The following CFAP221 variants were observed in gnomAD, a reference collection of about 807,000 sequenced individuals.
CFAP221 encodes the protein cilia- and flagella-associated protein 221.
Under a neutral mutation model 113.1 loss-of-function variants are expected in CFAP221, and 97 were observed. The observed-to-expected ratio is 0.86, with a 90% CI of 0.73 to 1.02. CFAP221 has a LOEUF of 1.02. Ranked by LOEUF, CFAP221 falls within the 50% of genes least tolerant of loss-of-function variation. The probability of loss-of-function intolerance (pLI) is 0.00; values close to 1 mark genes in which losing one functional copy is unlikely to be tolerated. For missense variants in CFAP221, 1,025 were observed against 1,013.4 expected, an observed-to-expected ratio of 1.01 and a Z score of -0.16; for synonymous variants, 331 against 354.4, an observed-to-expected ratio of 0.93 and a Z score of 0.74.
chr2:119,608,053 A>G (rs1211658572), intron 11 of CFAP221, among the ~76,000 whole-genome samples: 1 of 152,152 alleles, frequency 6.6e-6, no homozygotes, highest in Non-Finnish European at 1.5e-5. Flanking sequence ...TCATATGGTA[A>G]CTCTATGTTT....
intron 21 of CFAP221, 38 bp downstream of exon 21, chr2:119,639,910 G>A (rs1687378224): frequency 6.5e-6 from 10 of 1,548,380 alleles, no homozygotes; most frequent in Non-Finnish European, 8.9e-6. Flanking sequence ...GAGTATGTGT[G>A]CCCCATGTAT....
At chr2:119,630,724 A>C (rs781697409) in intron 18 of CFAP221, 43 bp from the exon 19 acceptor site, 24 of 1,604,720 alleles carry the variant, frequency 1.5e-5, no homozygotes, top group Non-Finnish European at 2.0e-5. Context: ...TTTCCCTCTT[A>C]TCCTGGCATC....
At chr2:119,601,588 A>C (rs965799723) in intron 8 of CFAP221, 1 of 473,338 alleles carries the variant, frequency 2.1e-6, no homozygotes, top group Non-Finnish European at 3.5e-6. Context: ...GAAGGGAAGA[A>C]ACAAGAAAAA....
chr2:119,550,515 A>C (rs182483243), intron 3 of CFAP221, among the ~76,000 whole-genome samples: 1 of 152,206 alleles, frequency 6.6e-6, no homozygotes, highest in African/African-American at 2.4e-5. Flanking sequence ...TCAACCTCCA[A>C]GGTCACATTT....
At chr2:119,646,914 C>A in intron 21 of CFAP221, 44 bp from the exon 22 acceptor site, 1 of 1,526,902 alleles carries the variant, frequency 6.5e-7, no homozygotes, top group Non-Finnish European at 9.0e-7. Flanking sequence ...CCCAAGACTT[C>A]TAGTGTGACT....
At chr2:119,646,830 G>A (rs1283412255) in intron 21 of CFAP221, 128 bp from the exon 22 acceptor site, 2 of 709,244 alleles carry the variant, frequency 2.8e-6, no homozygotes, top group Non-Finnish European at 4.4e-6. Context: ...GGCTTTTCAA[G>A]AGTGAGGGAG....
chr2:119,594,256 A>G (rs1446907848), intron 7 of CFAP221, among the ~76,000 whole-genome samples: 2 of 150,092 alleles, frequency 1.3e-5, no homozygotes, highest in Non-Finnish European at 3.0e-5. Flanking sequence ...TTTTTTTTTG[A>G]AACAGAGTCT....
At chr2:119,559,827 A>G in intron 4 of CFAP221, 52 bp downstream of exon 4, 1 of 1,480,146 alleles carries the variant, frequency 6.8e-7, no homozygotes, top group Non-Finnish European at 9.1e-7. Flanking sequence ...TCTGCGTCTC[A>G]GGCCTGTGTG....
rs1686511279 is a variant in CFAP221, at chr2:119,628,295, G to GTGTT, written c.1650+512_1650+513insTTGT. 4.3e-4 allele frequency among the ~76,000 whole-genome samples: 5 copies of GTGTT among 11,572 alleles called. No individual in the cohort carries two copies. In the South Asian group the frequency reaches 0.02, roughly 47 times the overall value. The allele number at this position is 11,572 out of a possible 152,430, so 7.6% of individuals were successfully genotyped here. A position where few individuals can be genotyped will look rare whatever the true frequency, so the allele number is the denominator to read the frequency against. ...TTCTCTCTCTCTCTCTCTCTGGGGGGTGTGTGTGTGTGTGTGTGTGTGTGT... is the reference window on the plus strand; with the variant it reads ...TTCTCTCTCTCTCTCTCTCTGGGGGGTGTTTGTGTGTGTGTGTGTGTGTGTGTGT... On this transcript the variant is annotated intron_variant, in intron 16 of 23. Transcript: ENST00000413369.
chr2:119,587,375 T>A (rs1683297102), intron 7 of CFAP221, among the ~76,000 whole-genome samples, 153 bp downstream of exon 7: 1 of 152,252 alleles, frequency 6.6e-6, no homozygotes, highest in Admixed American at 6.5e-5. Context: ...TTTGGGATCA[T>A]TTGTATCATG....
chr2:119,560,899 A>C (rs1049771180), intron 5 of CFAP221, among the ~76,000 whole-genome samples: 1 of 152,094 alleles, frequency 6.6e-6, no homozygotes, highest in Non-Finnish European at 1.5e-5. Flanking sequence ...GAGGGAAAGA[A>C]TCTTAGACCC....
At chr2:119,657,465 C>T (rs1202216324), downstream of CFAP221, among the ~76,000 whole-genome samples, 2 of 152,208 alleles carry the variant, frequency 1.3e-5, no homozygotes, top group Non-Finnish European at 2.9e-5. Flanking sequence ...TTGCCCTTCA[C>T]TCACAGGGCA....
intron 8 of CFAP221, chr2:119,601,667 G>T: frequency 3.7e-6 from 1 of 268,282 alleles, no homozygotes; most frequent in South Asian, 1.4e-4. Context: ...TTTACCATAT[G>T]CATGTCTTAT....
intron 23 of CFAP221, among the ~76,000 whole-genome samples, chr2:119,652,381 C>A (rs1306579453): frequency 1.3e-5 from 2 of 152,172 alleles, no homozygotes; most frequent in African/African-American, 2.4e-5. Context: ...GCTCTGGAGC[C>A]AGACCATCTG....
chr2:119,659,577 A>G (rs547079376), downstream of CFAP221, among the ~76,000 whole-genome samples: 4 of 152,394 alleles, frequency 2.6e-5, no homozygotes, highest in South Asian at 4.1e-4. Context: ...GTGGGCAACC[A>G]TCTCTTTAGT....
At chr2:119,550,059 G>T (rs933531738) in intron 3 of CFAP221, among the ~76,000 whole-genome samples, 1 of 152,168 alleles carries the variant, frequency 6.6e-6, no homozygotes, top group African/African-American at 2.4e-5. Context: ...AACTACTCCA[G>T]TTCGGCCCTA....
At chr2:119,554,606 G>A (rs188447281) in intron 3 of CFAP221, among the ~76,000 whole-genome samples, 42 of 152,220 alleles carry the variant, frequency 2.8e-4, no homozygotes, top group Admixed American at 4.6e-4. Flanking sequence ...TTCTATTACA[G>A]CCTTAGAGAC....
At chr2:119,578,707 T>C (rs1682626976) in intron 6 of CFAP221, among the ~76,000 whole-genome samples, 1 of 152,254 alleles carries the variant, frequency 6.6e-6, no homozygotes, top group Non-Finnish European at 1.5e-5. Flanking sequence ...TTGTGCCCTC[T>C]GAACCTAGTC....
chr2:119,607,031 A>G (rs1200109918), intron 11 of CFAP221, among the ~76,000 whole-genome samples: 1 of 152,226 alleles, frequency 6.6e-6, no homozygotes, highest in Non-Finnish European at 1.5e-5. Flanking sequence ...CAACATTATT[A>G]TAATCACTTC....
Sources: gnomAD v4.1 joint callset for allele counts (sites outside exome capture counted in the v4.1 genomes callset) on GRCh38, gnomAD v4.1.1 for gene constraint, MANE v1.5 for transcripts, NCBI Gene and HGNC (gene_info 2026-07-23, HGNC 2026-07-21) for gene names.